Variants in SPINK5 observed in about 807,000 individuals in gnomAD.
The protein encoded by SPINK5 is serine peptidase inhibitor Kazal type 5, also known as serine protease inhibitor Kazal-type 5.
Under a neutral mutation model 151.8 loss-of-function variants are expected in SPINK5, and 125 were observed. That is an observed-to-expected ratio of 0.82 (90% CI 0.71 to 0.96). The LOEUF is 0.96. SPINK5 is among the 40% of genes least tolerant of loss of function. SPINK5 has a pLI of 0.00. For missense variants in SPINK5, 1,194 were observed against 1,291.9 expected (o/e 0.92, Z 1.16); for synonymous variants, 374 against 395.3 (o/e 0.95, Z 0.64).
chr5:148,122,648 G>A (rs909598460), intron 26 of SPINK5, among the ~76,000 whole-genome samples: 7 of 152,094 alleles, frequency 4.6e-5, no homozygotes, highest in African/African-American at 1.4e-4. Flanking sequence ...CCACACATAG[G>A]AGTTTTATTC....
chr5:148,129,814 TTGTATC>T (rs1754529131), intron 30 of SPINK5, among the ~76,000 whole-genome samples: 1 of 152,192 alleles, frequency 6.6e-6, no homozygotes, highest in African/African-American at 2.4e-5. Context: ...TATGTCGTCT[TTGTATC>T]TGTTTTCAGT....
chr5:148,106,273 G>A (rs1448267835), intron 16 of SPINK5, among the ~76,000 whole-genome samples: 4 of 151,706 alleles, frequency 2.6e-5, no homozygotes, highest in African/African-American at 9.7e-5. Flanking sequence ...TTTCTCCAGG[G>A]ATCAGACTTA....
chr5:148,104,788 T>C (rs1753736654), intron 15 of SPINK5, among the ~76,000 whole-genome samples, 164 bp from the exon 16 acceptor site: 1 of 151,720 alleles, frequency 6.6e-6, no homozygotes, highest in Non-Finnish European at 1.5e-5. Context: ...CCTAGCTACT[T>C]GGGAGGCTGA....
chr5:148,133,933 C>T (rs1157938630), intron 32 of SPINK5, 46 bp downstream of exon 32: 2 of 1,593,234 alleles, frequency 1.3e-6, no homozygotes, highest in East Asian at 2.2e-5. Flanking sequence ...TTGTGAGGAG[C>T]ACTGGGTTCT....
intron 26 of SPINK5, among the ~76,000 whole-genome samples, chr5:148,121,761 C>T (rs2113201303): frequency 6.6e-6 from 1 of 151,636 alleles, no homozygotes; most frequent in African/African-American, 2.4e-5. Flanking sequence ...AGTTCAAAAC[C>T]AGCCTGGGCA....
rs1435240067 is a variant in SPINK5 at position 148,123,972 on chromosome 5, G to A, written c.2666+12G>A. ...TGTCAGAGCATCTTGTACGTAAAAA[G>A]GTTTATCAATAAATTTGATAGTTGT... On this transcript the variant is annotated intron_variant, in intron 27 of 32. Transcript: ENST00000256084. 1.2e-6 allele frequency: 2 copies of A among 1,613,308 alleles called. No individual in the cohort carries two copies. The highest frequency in any genetic ancestry group is 1.7e-6 in the Non-Finnish European group (2 of 1,179,778).
At chr5:148,071,891 G>A (rs570918615) in intron 3 of SPINK5, among the ~76,000 whole-genome samples, 52 of 152,128 alleles carry the variant, frequency 3.4e-4, no homozygotes, top group Admixed American at 1.2e-3. Flanking sequence ...TGACCACCTG[G>A]CTGTTGGAAG....
intron 3 of SPINK5, among the ~76,000 whole-genome samples, chr5:148,071,293 T>C (rs747667447): frequency 2.0e-5 from 3 of 152,044 alleles, no homozygotes; most frequent in Non-Finnish European, 2.9e-5. Flanking sequence ...CAGGATTTAA[T>C]TTGGGGATTG....
At chr5:148,095,714 A>G (rs1474695210) in intron 9 of SPINK5, 104 bp from the exon 10 acceptor site, 1 of 958,266 alleles carries the variant, frequency 1.0e-6, no homozygotes, top group Non-Finnish European at 1.7e-6. Context: ...AAGTGTTTGT[A>G]CTAAAACTCA....
At chr5:148,114,255 G>A in intron 20 of SPINK5, 107 bp from the exon 21 acceptor site, 3 of 1,324,494 alleles carry the variant, frequency 2.3e-6, no homozygotes, top group South Asian at 1.3e-5. Context: ...AAAATTCTCA[G>A]GTCATTTTCT....
rs3815740 is a variant in SPINK5 at position 148,111,630 on chromosome 5, A to G, written c.1693-138A>G. The G allele has an allele frequency of 0.11, 138,766 of 1,263,794 alleles. 11,631 individuals carry two copies. Among genetic ancestry groups the G allele is most frequent in the East Asian group, 0.3 (11,984 of 39,948 alleles). The allele number at this position is 1,263,794 out of a possible 1,614,324, so 78.3% of individuals were successfully genotyped here. On this transcript the variant is annotated intron_variant, in intron 18 of 32. Transcript: ENST00000256084. ...TGTGTGACCTAGTTCTCTGAAAAGC[A>G]TTTTGGTTACTATCAACCTTCAGCA...
intron 26 of SPINK5, among the ~76,000 whole-genome samples, chr5:148,122,447 G>A (rs544213096): frequency 2.6e-5 from 4 of 152,292 alleles, no homozygotes; most frequent in Admixed American, 2.0e-4. Context: ...CTAGGTTACT[G>A]TGTTATTTTT....
chr5:148,077,636 G>GTTATATATATAT (rs1581056845), intron 4 of SPINK5, among the ~76,000 whole-genome samples: 1 of 66,348 alleles, frequency 1.5e-5, no homozygotes, highest in South Asian at 8.8e-4. Flanking sequence ...TGTTTTATCA[G>GTTATATATATAT]GTATATATAT....
rs1753396588 is a variant in SPINK5 at position 148,094,349 on chromosome 5, CA to C, written c.667-2del. ...AGTAAAATAAATATAATTGTCTTTT[CA>C]AAGGATTTTTGCAAGGAATATGAAA... On this transcript the variant is annotated splice_polypyrimidine_tract_variant and splice_region_variant and intron_variant, in intron 8 of 32. Coordinates refer to ENST00000256084, the MANE Select transcript of SPINK5 (RefSeq NM_006846.4). The C allele has an allele frequency of 6.2e-7, 1 of 1,611,886 alleles. No individual in the cohort carries two copies.
At position 148,120,192 on chromosome 5, in the gene SPINK5, T is replaced by G. The variant is rs1754216661; in HGVS notation, c.2441+56T>G. 4 of 1,613,490 alleles carry G rather than the reference T, an allele frequency of 2.5e-6. No individual in the cohort carries two copies. The Admixed American group carries it at 6.7e-5, about 27-fold the overall frequency. Reference sequence around the variant, plus strand: ...GTGAGTCTTAAAGTACAATAATCATTTCTTACCAGTTTGGGAAAATGACAA... The same window carrying G: ...GTGAGTCTTAAAGTACAATAATCATGTCTTACCAGTTTGGGAAAATGACAA... On this transcript the variant is annotated intron_variant, in intron 25 of 32. Coordinates refer to ENST00000256084, the MANE Select transcript of SPINK5 (RefSeq NM_006846.4).
chr5:148,103,910 G>A (rs950334867), intron 15 of SPINK5, among the ~76,000 whole-genome samples: 2 of 152,040 alleles, frequency 1.3e-5, no homozygotes, highest in Non-Finnish European at 1.5e-5. Context: ...AACTATTTGT[G>A]TTATATATCC....
At position 148,121,457 on chromosome 5, in the gene SPINK5, A is replaced by T. The variant is rs185539864; in HGVS notation, c.2538+1066A>T. Among the ~76,000 whole-genome samples the T allele has an allele frequency of 1.8e-3, 275 of 152,192 alleles. 2 individuals are homozygous for T. Among genetic ancestry groups the T allele is most frequent in the Non-Finnish European group, 3.2e-3 (215 of 68,010 alleles). Reference sequence around the variant, plus strand: ...TTATTAGTAATTATCATTATTTAAAAATATTTTGGGAATATCTGTTGTGTG... The same window carrying T: ...TTATTAGTAATTATCATTATTTAAATATATTTTGGGAATATCTGTTGTGTG... On this transcript the variant is annotated intron_variant, in intron 26 of 32. Coordinates refer to ENST00000256084, the MANE Select transcript of SPINK5 (RefSeq NM_006846.4).
intron 31 of SPINK5, among the ~76,000 whole-genome samples, chr5:148,133,081 A>G (rs1056072044): frequency 6.6e-6 from 1 of 152,188 alleles, no homozygotes; most frequent in Non-Finnish European, 1.5e-5. Flanking sequence ...TTAGCATAAG[A>G]AACTGAAATG....
intron 4 of SPINK5, among the ~76,000 whole-genome samples, chr5:148,085,464 G>T (rs759749884): frequency 3.3e-5 from 5 of 151,920 alleles, no homozygotes; most frequent in Non-Finnish European, 5.9e-5. Flanking sequence ...GCTAGGTTAT[G>T]TCACAATAAT....
Sources: allele counts gnomAD v4.1 joint callset (sites outside exome capture counted in the v4.1 genomes callset), GRCh38; gene constraint gnomAD v4.1.1; transcripts MANE v1.5; gene names NCBI Gene and HGNC (gene_info 2026-07-23, HGNC 2026-07-21).